Variants in TLL1 observed in about 807,000 individuals in gnomAD.
TLL1 encodes the protein tolloid-like protein 1.
Under a neutral mutation model 128.2 loss-of-function variants are expected in TLL1, and 49 were observed. That is an observed-to-expected ratio of 0.38 (90% CI 0.30 to 0.48). The LOEUF (loss-of-function observed/expected upper bound fraction) is 0.48. Among genes scored for constraint, TLL1 ranks in the 20% least tolerant of loss-of-function variants. The probability of loss-of-function intolerance (pLI) is 0.96; values close to 1 mark genes in which losing one functional copy is unlikely to be tolerated. For synonymous variants in TLL1, 454 were observed against 418.8 expected (o/e 1.08, Z -1.03); for missense variants, 1,123 against 1,242.0 (o/e 0.90, Z 1.44).
chr4:166,029,015 C>T (rs1738632655), intron 9 of TLL1, among the ~76,000 whole-genome samples: 1 of 151,788 alleles, frequency 6.6e-6, no homozygotes, highest in African/African-American at 2.4e-5. Context: ...TTTCGTTTAA[C>T]CCATGATGGC....
In TLL1 at chr4:166,059,500, G is replaced by C. The variant is rs138976619; in HGVS notation, c.1847-528G>C. On this transcript the variant is annotated intron_variant, in intron 14 of 20. Coordinates refer to ENST00000061240, the MANE Select transcript of TLL1 (RefSeq NM_012464.5). Reference sequence around the variant, plus strand: ...TGCTCTATTTACCATAATTTATCTTGTCTGGTAGCTCAGGTAATATTGAGT... The same window carrying C: ...TGCTCTATTTACCATAATTTATCTTCTCTGGTAGCTCAGGTAATATTGAGT... Among the ~76,000 whole-genome samples, 90 of 152,066 alleles carry C rather than the reference G, an allele frequency of 5.9e-4. No individual in the cohort carries two copies. In the East Asian group the frequency reaches 0.017, roughly 28 times the overall value.
At chr4:165,968,092 G>A (rs953006618) in intron 1 of TLL1, among the ~76,000 whole-genome samples, 1 of 152,150 alleles carries the variant, frequency 6.6e-6, no homozygotes, top group African/African-American at 2.4e-5. Context: ...ATACAGTGCG[G>A]CTTTTCATCC....
In TLL1 at chr4:165,909,079, C is replaced by T. The variant is rs946406491; in HGVS notation, c.169+35006C>T. On this transcript the variant is annotated intron_variant, in intron 1 of 20. Transcript: ENST00000061240. ...GGGTGTGCCTATAATCCCATCTACT[C>T]GGGAGGCTGAGGCAGGACAACCACT... 3.3e-5 allele frequency among the ~76,000 whole-genome samples: 5 copies of T among 151,982 alleles called. No homozygotes were observed. The East Asian group carries it at 7.7e-4, about 24-fold the overall frequency.
At chr4:166,067,266 G>T (rs1312722362) in intron 16 of TLL1, among the ~76,000 whole-genome samples, 2 of 151,580 alleles carry the variant, frequency 1.3e-5, no homozygotes, top group African/African-American at 2.4e-5. Context: ...TTTAAGAAAA[G>T]AAACATGCTA....
intron 12 of TLL1, among the ~76,000 whole-genome samples, chr4:166,045,099 A>T (rs1006595982): frequency 1.3e-4 from 20 of 152,198 alleles, no homozygotes; most frequent in African/African-American, 4.6e-4. Context: ...ATCAGTGATG[A>T]CTACAGTTTA....
At chr4:166,011,305 CTTCTT>C (rs1429763267) in intron 7 of TLL1, among the ~76,000 whole-genome samples, 5 of 151,226 alleles carry the variant, frequency 3.3e-5, no homozygotes, top group Admixed American at 2.0e-4. Flanking sequence ...ATCTTTGTCT[CTTCTT>C]TAATTTCTTT....
intron 1 of TLL1, among the ~76,000 whole-genome samples, chr4:165,969,592 C>A (rs946859147): frequency 6.6e-6 from 1 of 152,068 alleles, no homozygotes; most frequent in African/African-American, 2.4e-5. Flanking sequence ...TTTCTTCAAA[C>A]CAATAAAAGT....
chr4:166,001,952 C>CT (rs2111031513), intron 5 of TLL1, among the ~76,000 whole-genome samples: 1 of 152,234 alleles, frequency 6.6e-6, no homozygotes, highest in Non-Finnish European at 1.5e-5. Flanking sequence ...AATTATTAGA[C>CT]TGCTCATTTG....
chr4:166,042,015 T>G lies in TLL1; in HGVS notation c.1262-12T>G. ...ATTTAGGAGTTTCTCTTTATTCTTT[T>G]ATTTCTTTTAGGTAGATTCTGTGGG... On this transcript the variant is annotated splice_polypyrimidine_tract_variant and intron_variant, in intron 10 of 20. Transcript: ENST00000061240. 1.3e-6 allele frequency: 2 copies of G among 1,575,948 alleles called. No individual in the cohort carries two copies. Among genetic ancestry groups the G allele is most frequent in the Non-Finnish European group, 1.7e-6 (2 of 1,146,420 alleles).
At chr4:166,061,732 T>A (rs182911124) in intron 15 of TLL1, among the ~76,000 whole-genome samples, 3 of 152,250 alleles carry the variant, frequency 2.0e-5, no homozygotes, top group East Asian at 3.9e-4. Flanking sequence ...TTAGATCCCA[T>A]TTGTCAATTT....
intron 1 of TLL1, among the ~76,000 whole-genome samples, chr4:165,960,314 A>G (rs1353452170): frequency 6.6e-6 from 1 of 152,096 alleles, no homozygotes; most frequent in Admixed American, 6.6e-5. Flanking sequence ...AACTGAATCA[A>G]TAGCAAAAAA....
chr4:165,906,197 A>G lies in TLL1; in HGVS notation c.169+32124A>G, dbSNP rs376603245. ...CTATAGATAGTGTGAGCCTCTAGAAAGCCTGAAATATTTATTTTTCGGCCC... is the reference window on the plus strand; with the variant it reads ...CTATAGATAGTGTGAGCCTCTAGAAGGCCTGAAATATTTATTTTTCGGCCC... On this transcript the variant is annotated intron_variant, in intron 1 of 20. Coordinates refer to ENST00000061240, the MANE Select transcript of TLL1 (RefSeq NM_012464.5). Among the ~76,000 whole-genome samples the G allele has an allele frequency of 1.1e-4, 16 of 152,346 alleles. 1 individual carries two copies. Among genetic ancestry groups the G allele is most frequent in the Admixed American group, 4.6e-4 (7 of 15,300 alleles).
intron 1 of TLL1, among the ~76,000 whole-genome samples, chr4:165,979,052 T>C (rs1369619469): frequency 6.6e-6 from 1 of 152,216 alleles, no homozygotes; most frequent in African/African-American, 2.4e-5. Flanking sequence ...TTCTGTGTTT[T>C]TTTATAGCAG....
intron 1 of TLL1, among the ~76,000 whole-genome samples, chr4:165,913,061 T>G (rs1732612010): frequency 6.6e-6 from 1 of 152,196 alleles, no homozygotes; most frequent in African/African-American, 2.4e-5. Flanking sequence ...AAGCAGTTTT[T>G]GAAATAAGAG....
chr4:166,053,887 TTAGTTC>T (rs1438203688), intron 12 of TLL1, among the ~76,000 whole-genome samples: 1 of 152,288 alleles, frequency 6.6e-6, no homozygotes, highest in East Asian at 1.9e-4. Flanking sequence ...TTTGAAGACT[TTAGTTC>T]TAGTGGTCAA....
At chr4:166,052,879 C>A (rs549443156) in intron 12 of TLL1, among the ~76,000 whole-genome samples, 20 of 149,338 alleles carry the variant, frequency 1.3e-4, no homozygotes, top group African/African-American at 3.7e-4. Flanking sequence ...CAAGAACAGC[C>A]TTTGGCCATC....
At chr4:165,974,712 A>C (rs1269764333) in intron 1 of TLL1, among the ~76,000 whole-genome samples, 1 of 152,208 alleles carries the variant, frequency 6.6e-6, no homozygotes, top group East Asian at 1.9e-4. Flanking sequence ...AGAAAGATTT[A>C]ATAATTATAC....
At chr4:165,989,142 G>A (rs1374819605) in intron 1 of TLL1, among the ~76,000 whole-genome samples, 3 of 151,912 alleles carry the variant, frequency 2.0e-5, no homozygotes, top group Non-Finnish European at 4.4e-5. Flanking sequence ...CTTATTCAAG[G>A]AAACTACTTT....
intron 6 of TLL1, 147 bp downstream of exon 6, chr4:166,003,716 T>C (rs1737272050): frequency 3.6e-6 from 3 of 822,706 alleles, no homozygotes; most frequent in Non-Finnish European, 6.0e-6. Flanking sequence ...AAATCACCCA[T>C]GATGATTTTA....
Sources: allele counts gnomAD v4.1 joint callset (sites outside exome capture counted in the v4.1 genomes callset), GRCh38; gene constraint gnomAD v4.1.1; transcripts MANE v1.5; gene names NCBI Gene and HGNC (gene_info 2026-07-23, HGNC 2026-07-21).